Variants in PREX1 observed in about 807,000 individuals in gnomAD.
PREX1 encodes the protein phosphatidylinositol-3,4,5-trisphosphate dependent Rac exchange factor 1.
In PREX1, 41 loss-of-function variants were observed where a neutral mutation model predicts 198.3. That is an observed-to-expected ratio of 0.21 (90% CI 0.16 to 0.27). PREX1 has a LOEUF of 0.27. Among genes scored for constraint, PREX1 ranks in the 10% least tolerant of loss-of-function variants. The pLI, the probability that PREX1 is intolerant of heterozygous loss-of-function variation, is 1.00. For synonymous variants in PREX1, 843 were observed against 887.2 expected (o/e 0.95, Z 0.89); for missense variants, 1,620 against 2,200.7 (o/e 0.74, Z 5.28).
At chr20:48,777,478 C>T (rs1052389472) in intron 1 of PREX1, among the ~76,000 whole-genome samples, 9 of 152,104 alleles carry the variant, frequency 5.9e-5, no homozygotes, top group Admixed American at 3.9e-4. Flanking sequence ...ACAGGGCCTC[C>T]GGCGGAATCC....
chr20:48,663,362 C>A (rs749567741), intron 15 of PREX1, among the ~76,000 whole-genome samples: 2 of 152,216 alleles, frequency 1.3e-5, no homozygotes, highest in African/African-American at 2.4e-5. Flanking sequence ...CCGACCAGGG[C>A]TCAACAAACT....
chr20:48,867,603 T>A, the PREX1 span, among the ~76,000 whole-genome samples: 1 of 152,088 alleles, frequency 6.6e-6, no homozygotes, highest in African/African-American at 2.4e-5. Context: ...ATTAGCTGGG[T>A]GTGGTGGCAT....
upstream of PREX1, among the ~76,000 whole-genome samples, chr20:48,830,208 T>A (rs565573885): frequency 2.6e-5 from 4 of 152,168 alleles, no homozygotes; most frequent in South Asian, 4.1e-4. Context: ...TACAAAAAAA[T>A]TTTAAAAATT....
At position 48,625,094 on chromosome 20, in the gene PREX1, A is replaced by G. The variant is rs1054293767; in HGVS notation, c.*791T>C. 6 of 152,568 alleles carry G rather than the reference A, an allele frequency of 3.9e-5. No homozygotes were observed. The highest frequency in any genetic ancestry group is 7.4e-5 in the Non-Finnish European group (5 of 68,014). 9.5% of individuals were successfully genotyped at this position (152,568 alleles called of 1,614,324 possible). A position where few individuals can be genotyped will look rare whatever the true frequency, so the allele number is the denominator to read the frequency against. On this transcript the variant is annotated 3_prime_UTR_variant, in exon 40 of 40. Coordinates refer to ENST00000371941, the MANE Select transcript of PREX1 (RefSeq NM_020820.4). ...TTAGTAGAAGCAGGAACAGTTGTCAATACTACCTTCTGTTGGTCCCCTGTT... is the reference window on the plus strand; with the variant it reads ...TTAGTAGAAGCAGGAACAGTTGTCAGTACTACCTTCTGTTGGTCCCCTGTT...
intron 1 of PREX1, among the ~76,000 whole-genome samples, chr20:48,782,208 T>C (rs1191699905): frequency 6.6e-6 from 1 of 152,170 alleles, no homozygotes; most frequent in African/African-American, 2.4e-5. Context: ...TCATCTCGAA[T>C]TGTAGCTCTC....
At chr20:48,789,082 ACACT>A (rs1337161153) in intron 1 of PREX1, among the ~76,000 whole-genome samples, 2 of 152,204 alleles carry the variant, frequency 1.3e-5, no homozygotes, top group Non-Finnish European at 2.9e-5. Context: ...ATAGACTAAG[ACACT>A]CACTCACACA....
intron 33 of PREX1, among the ~76,000 whole-genome samples, chr20:48,632,870 C>G (rs1309883535): frequency 2.6e-5 from 4 of 152,206 alleles, no homozygotes; most frequent in Admixed American, 2.6e-4. Context: ...AGAACTGCAG[C>G]TGACACCTCC....
intron 17 of PREX1, among the ~76,000 whole-genome samples, chr20:48,657,550 C>T (rs2089554806): frequency 1.3e-5 from 2 of 152,352 alleles, no homozygotes; most frequent in South Asian, 2.1e-4. Flanking sequence ...CCAAGATTCA[C>T]AACTGCCTCC....
chr20:48,627,612 G>C lies in PREX1; in HGVS notation c.4873C>G (p.Pro1625Ala). The change falls in exon 39 of 40, where the codon CCA (proline) becomes GCA (alanine). Residue 1625 changes from proline to alanine, a missense_variant. Transcript: ENST00000371941. Reference protein sequence around the residue: ...QATDIMRKQGPRVEILAKNLR... With the variant: ...QATDIMRKQGARVEILAKNLR... The stretch of plus-strand genomic sequence containing the variant: ...TTTTTGGCCAGAATCTCCACCCTTG[G>C]GCCCTGGAAGAAGGAACCATCAGGC... 6.2e-7 allele frequency: 1 copy of C among 1,613,596 alleles called. No homozygotes were observed. The highest frequency in any genetic ancestry group is 2.2e-5 in the East Asian group (1 of 44,828).
At chr20:48,679,500 CGGGGCAGGGCAGGGTAATG>C in intron 12 of PREX1, 91 bp from the exon 13 acceptor site, 1 of 1,454,744 alleles carries the variant, frequency 6.9e-7, no homozygotes, top group Non-Finnish European at 9.6e-7. Flanking sequence ...GCTTCCAGGA[CGGGGCAGGGCAGGGTAATG>C]GGGGCAGGGG....
intron 7 of PREX1, among the ~76,000 whole-genome samples, chr20:48,697,287 A>T (rs1601083000): frequency 6.6e-6 from 1 of 152,212 alleles, no homozygotes; most frequent in East Asian, 1.9e-4. Flanking sequence ...TTTTATCCCC[A>T]TATAACAGGT....
At chr20:48,844,676 C>T in the PREX1 span, among the ~76,000 whole-genome samples, 4 of 152,146 alleles carry the variant, frequency 2.6e-5, no homozygotes, top group Admixed American at 2.6e-4. Flanking sequence ...CTTGGACCCA[C>T]GAACGGAGAC....
At chr20:48,663,084 C>A (rs1196683502) in intron 15 of PREX1, among the ~76,000 whole-genome samples, 1 of 152,194 alleles carries the variant, frequency 6.6e-6, no homozygotes, top group African/African-American at 2.4e-5. Context: ...TCCAGACTGG[C>A]CCTTACCTGC....
At chr20:48,629,049 G>A (rs1336347564) in intron 37 of PREX1, among the ~76,000 whole-genome samples, 2 of 152,178 alleles carry the variant, frequency 1.3e-5, no homozygotes, top group Admixed American at 6.5e-5. Context: ...AAGCACTCTG[G>A]AGAAGGTGAC....
chr20:48,735,290 C>T (rs1273850979), intron 3 of PREX1, among the ~76,000 whole-genome samples: 1 of 152,154 alleles, frequency 6.6e-6, no homozygotes, highest in African/African-American at 2.4e-5. Flanking sequence ...GGAAGGGTTG[C>T]AAGGCCTCAA....
chr20:48,851,517 AAAAT>A, the PREX1 span, among the ~76,000 whole-genome samples: 3 of 152,242 alleles, frequency 2.0e-5, no homozygotes, highest in Admixed American at 6.5e-5. Flanking sequence ...AAAATAAATA[AAAAT>A]AAATAAATAA....
intron 4 of PREX1, among the ~76,000 whole-genome samples, chr20:48,733,741 T>C (rs4810869): frequency 0.076 from 11,523 of 152,226 alleles, 509 homozygotes; most frequent in Middle Eastern, 0.14. Flanking sequence ...CTGCCAGTTT[T>C]TGGGTTTTTT....
the PREX1 span, among the ~76,000 whole-genome samples, chr20:48,883,584 C>G: frequency 6.6e-5 from 10 of 152,006 alleles, no homozygotes; most frequent in Non-Finnish European, 1.3e-4. Flanking sequence ...AAATTTATCT[C>G]TATGAAGTGT....
intron 5 of PREX1, among the ~76,000 whole-genome samples, chr20:48,709,321 T>G (rs1220673579): frequency 3.3e-5 from 5 of 152,176 alleles, no homozygotes; most frequent in Non-Finnish European, 1.5e-5. Flanking sequence ...ATGCCCTAGC[T>G]CTCTGCTCCC....
Sources: gnomAD v4.1 joint callset for allele counts (sites outside exome capture counted in the v4.1 genomes callset) on GRCh38, gnomAD v4.1.1 for gene constraint, MANE v1.5 for transcripts, NCBI Gene and HGNC (gene_info 2026-07-23, HGNC 2026-07-21) for gene names.